SRRM1: variants seen among roughly 807,000 people sequenced by gnomAD.
SRRM1 encodes the protein serine/arginine repetitive matrix protein 1.
SRRM1 carries 19 observed loss-of-function variants against 110.2 expected under a neutral mutation model. That is an observed-to-expected ratio of 0.17 (90% CI 0.12 to 0.25). The LOEUF is 0.25. SRRM1 is among the 10% of genes least tolerant of loss of function. The probability of loss-of-function intolerance (pLI) is 1.00; values close to 1 mark genes in which losing one functional copy is unlikely to be tolerated. For synonymous variants in SRRM1, 443 were observed against 414.9 expected (o/e 1.07, Z -0.82); for missense variants, 918 against 1,145.8 (o/e 0.80, Z 2.87).
chr1:24,670,251 A>G lies in SRRM1; in HGVS notation c.2336A>G (p.Asn779Ser). The G allele has an allele frequency of 6.2e-7, 1 of 1,614,064 alleles. No homozygotes were observed. Among genetic ancestry groups the G allele is most frequent in the Non-Finnish European group, 8.5e-7 (1 of 1,180,014 alleles). Residue 779 changes from asparagine to serine, a missense_variant, in exon 15 of 17, where the codon AAC becomes AGC. Physicochemically the swap from Asn to Ser is conservative, Grantham distance 46 (BLOSUM62 1). Transcript: ENST00000323848. The part of the protein sequence containing the change: ...SPVQSQSPST[N>S]WSPAVPVKKA... ...GTCCAGTCTCAGTCACCGTCTACAA[A>G]CTGGTCACCAGCTGTACCGGTCAAA...
chr1:24,664,756 A>T (rs1669035746), intron 12 of SRRM1, among the ~76,000 whole-genome samples: 1 of 152,230 alleles, frequency 6.6e-6, no homozygotes, highest in South Asian at 2.1e-4. Flanking sequence ...TTTGGCTGCT[A>T]AAGCATTCCT....
chr1:24,670,216 T>G lies in SRRM1; in HGVS notation c.2301T>G (p.Pro767=), dbSNP rs1361809994. 6.2e-7 allele frequency: 1 copy of G among 1,614,020 alleles called. No homozygotes were observed. The highest frequency in any genetic ancestry group is 8.5e-7 in the Non-Finnish European group (1 of 1,180,008). The change falls in exon 15 of 17, where the codon CCT becomes CCG. Residue 767 remains proline, a synonymous_variant. Coordinates refer to ENST00000323848, the MANE Select transcript of SRRM1 (RefSeq NM_005839.4). ...PEPAAKKPPA[P]PSPVQSQSPS... is the part of the protein sequence containing the mutation. ...CAGCAGCTAAAAAGCCCCCAGCACC[T>G]CCATCCCCCGTCCAGTCTCAGTCAC...
chr1:24,663,432 C>A (rs1668244402), intron 12 of SRRM1, among the ~76,000 whole-genome samples: 1 of 151,966 alleles, frequency 6.6e-6, no homozygotes, highest in Non-Finnish European at 1.5e-5. Context: ...TTGGTTTAGA[C>A]CCTTATTTGA....
In SRRM1 at chr1:24,666,820, G is replaced by A. The variant is rs1221695300; in HGVS notation, c.1634G>A (p.Arg545Lys). The change falls in exon 13 of 17, where the codon AGA (arginine) becomes AAA (lysine). Residue 545 changes from arginine (R) to lysine (K), a missense_variant. Around this residue, in one of 5 missense-constraint regions of SRRM1, gnomAD observed 357 missense variants for 402.9 expected, o/e 0.89. Transcript: ENST00000323848. ...TATAATTCTTCTTGGTTTAGTGGTA[G>A]ACGGAGGAGAAGTCCATCCCCACCA... ...KRQKETSPRG[R>K]RRRSPSPPPT... 2.5e-6 allele frequency: 4 copies of A among 1,613,012 alleles called. No homozygotes were observed. Among genetic ancestry groups the A allele is most frequent in the Non-Finnish European group, 3.4e-6 (4 of 1,179,360 alleles).
chr1:24,646,793 C>A lies in SRRM1; in HGVS notation c.234+4C>A, dbSNP rs754302530. On this transcript the variant is annotated splice_donor_region_variant and intron_variant, in intron 3 of 16. Coordinates refer to ENST00000323848, the MANE Select transcript of SRRM1 (RefSeq NM_005839.4). ...ATTCAACCAGCTGGAAGTGAAGGTACTAATATACAAATGGCTCTTGTTTCT... is the reference window on the plus strand; with the variant it reads ...ATTCAACCAGCTGGAAGTGAAGGTAATAATATACAAATGGCTCTTGTTTCT... 41 of 1,573,164 alleles carry A rather than the reference C, an allele frequency of 2.6e-5. No individual in the cohort carries two copies. Among genetic ancestry groups the A allele is most frequent in the Admixed American group, 1.0e-4 (5 of 49,132 alleles).
chr1:24,670,255 G>T lies in SRRM1; in HGVS notation c.2340G>T (p.Trp780Cys), dbSNP rs1257560097. The change falls in exon 15 of 17, where the codon TGG becomes TGT. Residue 780 changes from tryptophan to cysteine, a missense_variant. Physicochemically the swap from Trp to Cys is radical, Grantham distance 215. Around this residue, in one of 5 missense-constraint regions of SRRM1, gnomAD observed 357 missense variants for 402.9 expected, o/e 0.89. Coordinates refer to ENST00000323848, the MANE Select transcript of SRRM1 (RefSeq NM_005839.4). ...AGTCTCAGTCACCGTCTACAAACTG[G>T]TCACCAGCTGTACCGGTCAAAAAGG... Reference protein sequence around the residue: ...PVQSQSPSTNWSPAVPVKKAK... With the variant: ...PVQSQSPSTNCSPAVPVKKAK... 1.9e-6 allele frequency: 3 copies of T among 1,613,964 alleles called. No individual in the cohort carries two copies. The East Asian group carries it at 6.7e-5, about 36-fold the overall frequency.
At chr1:24,649,353 C>T (rs1187116103) in intron 4 of SRRM1, among the ~76,000 whole-genome samples, 1 of 152,234 alleles carries the variant, frequency 6.6e-6, no homozygotes, top group African/African-American at 2.4e-5. Flanking sequence ...CAGTTTCAGT[C>T]TGTCACCCAG....
In SRRM1 at chr1:24,653,001, A is replaced by C. The variant is rs779058167; in HGVS notation, c.1009A>C (p.Arg337=). ...TPPRRMPPPP[R]HRRSRSPVRR... ...GCCAAGAAGAATGCCTCCTCCACCA[A>C]GGCATAGAAGGAGTAGATCTCCAGT... Residue 337 remains arginine (R), a synonymous_variant, in exon 8 of 17, where the codon AGG becomes CGG. Transcript: ENST00000323848. 6 of 1,613,724 alleles carry C rather than the reference A, an allele frequency of 3.7e-6. No individual in the cohort carries two copies. Among genetic ancestry groups the C allele is most frequent in the Non-Finnish European group, 5.1e-6 (6 of 1,179,834 alleles).
At chr1:24,662,978 T>G in intron 12 of SRRM1, 174 bp downstream of exon 12, 1 of 1,007,538 alleles carries the variant, frequency 9.9e-7, no homozygotes, top group African/African-American at 1.6e-5. Flanking sequence ...TGGTGGTTAT[T>G]AATAATTAAT....
At chr1:24,660,261 A>C (rs1666454576) in intron 9 of SRRM1, among the ~76,000 whole-genome samples, 1 of 152,090 alleles carries the variant, frequency 6.6e-6, no homozygotes, top group Non-Finnish European at 1.5e-5. Context: ...TACTTTACTG[A>C]GCTTGTTCTA....
chr1:24,669,054 C>A, intron 13 of SRRM1, 69 bp from the exon 14 acceptor site: 1 of 1,351,824 alleles, frequency 7.4e-7, no homozygotes, highest in South Asian at 1.3e-5. Flanking sequence ...GCCAAACCTA[C>A]TGATTACTTT....
intron 1 of SRRM1, chr1:24,643,616 G>A (rs1655218040): frequency 2.5e-6 from 1 of 394,400 alleles, no homozygotes; most frequent in Non-Finnish European, 4.5e-6. Context: ...ATGGTACCTC[G>A]CTGCCCGCCT....
chr1:24,670,065 C>G (rs1363486096), intron 14 of SRRM1, 55 bp from the exon 15 acceptor site: 84 of 1,462,304 alleles, frequency 5.7e-5, no homozygotes, highest in Non-Finnish European at 7.1e-5. Context: ...GTGGTTTTCT[C>G]ATGTGAAGAG....
intron 1 of SRRM1, among the ~76,000 whole-genome samples, chr1:24,644,768 G>T (rs538855784): frequency 4.4e-4 from 67 of 152,296 alleles, no homozygotes; most frequent in African/African-American, 1.6e-3. Context: ...AATATTTTCT[G>T]CAGTGCAAGT....
chr1:24,648,787 T>C (rs1658920509), intron 3 of SRRM1, 72 bp from the exon 4 acceptor site: 2 of 1,404,280 alleles, frequency 1.4e-6, no homozygotes, highest in Non-Finnish European at 2.0e-6. Flanking sequence ...TAAATGAGTT[T>C]TAGGTTGGTT....
Position 24,652,518 on chromosome 1 carries a change from G to C in SRRM1, c.810G>C (p.Glu270Asp), listed in dbSNP as rs1349926028. ...AAAAAAATTCCAAAAAAGAAAAGGA[G>C]AAGGAGAAGACCCGACCACGATCTC... ...SPEKNSKKEKEKEKTRPRSRS... is the reference protein window; with the variant it reads ...SPEKNSKKEKDKEKTRPRSRS... The change falls in exon 7 of 17, where the codon GAG (glutamate) becomes GAC (aspartate). Residue 270 changes from glutamate (E) to aspartate (D), a missense_variant. By Grantham distance (45) the Glu-to-Asp change is conservative. Coordinates refer to ENST00000323848, the MANE Select transcript of SRRM1 (RefSeq NM_005839.4). 2 of 1,611,808 alleles carry C rather than the reference G, an allele frequency of 1.2e-6. No homozygotes were observed.
At chr1:24,668,620 AG>A (rs1482762063) in intron 13 of SRRM1, among the ~76,000 whole-genome samples, 1 of 152,208 alleles carries the variant, frequency 6.6e-6, no homozygotes, top group Non-Finnish European at 1.5e-5. Context: ...AGTGTCTTTA[AG>A]GCTTGTGCAG....
intron 2 of SRRM1, 63 bp from the exon 3 acceptor site, chr1:24,646,604 C>A: frequency 1.4e-6 from 2 of 1,452,962 alleles, no homozygotes; most frequent in Non-Finnish European, 9.2e-7. Flanking sequence ...AGACAGAACT[C>A]TAACTTGAGC....
chr1:24,644,426 C>T lies in SRRM1; in HGVS notation c.21+1079C>T, dbSNP rs76036020. 3.6e-3 allele frequency among the ~76,000 whole-genome samples: 543 copies of T among 152,306 alleles called. 12 individuals carry two copies. The highest frequency in any genetic ancestry group is 0.031 in the Admixed American group (473 of 15,298). On this transcript the variant is annotated intron_variant, in intron 1 of 16. Transcript: ENST00000323848. ...CCGTTTTCTGAAATACACGTTAGCT[C>T]TTCTCTTTAGAGCATGTAATTTGCA...
Sources: allele counts gnomAD v4.1 joint callset (sites outside exome capture counted in the v4.1 genomes callset), GRCh38; gene constraint gnomAD v4.1.1; regional missense constraint gnomAD v4.1.1; transcripts MANE v1.5; gene names NCBI Gene and HGNC (gene_info 2026-07-23, HGNC 2026-07-21).